Variants in CEP162 observed in about 807,000 individuals in gnomAD.
CEP162 encodes centrosomal protein of 162 kDa.
In CEP162, 141 loss-of-function variants were observed where a neutral mutation model predicts 169.2. That is an observed-to-expected ratio of 0.83 (90% confidence interval 0.73 to 0.96). The LOEUF (loss-of-function observed/expected upper bound fraction) is 0.96. CEP162 is among the 40% of genes least tolerant of loss of function. CEP162 has a pLI of 0.00. For missense variants in CEP162, 1,600 were observed against 1,587.2 expected, an observed-to-expected ratio of 1.01 and a Z score of -0.14; for synonymous variants, 540 against 526.4, an observed-to-expected ratio of 1.03 and a Z score of -0.35.
In CEP162 at chr6:84,124,667, A is replaced by G. The variant is rs1192395957; in HGVS notation, c.*403T>C. 2 of 241,518 alleles carry G rather than the reference A, an allele frequency of 8.3e-6. No individual in the cohort carries two copies. The highest frequency in any genetic ancestry group is 1.6e-5 in the Non-Finnish European group (2 of 126,494). The allele number at this position is 241,518 out of a possible 1,614,324, so 15.0% of individuals were successfully genotyped here. A position where few individuals can be genotyped will look rare whatever the true frequency, so the allele number is the denominator to read the frequency against. On this transcript the variant is annotated 3_prime_UTR_variant, in exon 27 of 27. Coordinates refer to ENST00000403245, the MANE Select transcript of CEP162 (RefSeq NM_014895.4). ...GGATGATGGGTACACTAGAAGCCCA[A>G]TTCCCACCATTATTCAATACACCCA...
intron 11 of CEP162, among the ~76,000 whole-genome samples, chr6:84,187,950 T>C (rs1417745520): frequency 5.3e-5 from 8 of 152,254 alleles, no homozygotes; most frequent in Admixed American, 5.2e-4. Context: ...ACTCTGGAAA[T>C]GGGTTCTCTC....
At chr6:84,215,249 T>C in intron 5 of CEP162, 33 bp downstream of exon 5, 2 of 1,240,244 alleles carry the variant, frequency 1.6e-6, no homozygotes, top group South Asian at 2.0e-5. Flanking sequence ...ATAGAAATCA[T>C]AAAAATCATT....
chr6:84,130,131 G>C (rs2099510688), intron 25 of CEP162, among the ~76,000 whole-genome samples: 3 of 152,098 alleles, frequency 2.0e-5, no homozygotes, highest in Non-Finnish European at 2.9e-5. Context: ...TATGGTTTTT[G>C]TCCTTGGTTT....
At chr6:84,191,472 CATTG>C (rs1450437923) in intron 11 of CEP162, among the ~76,000 whole-genome samples, 3 of 152,204 alleles carry the variant, frequency 2.0e-5, no homozygotes, top group Non-Finnish European at 2.9e-5. Context: ...AAAGTTGTAA[CATTG>C]ATTGCTGTGT....
intron 26 of CEP162, among the ~76,000 whole-genome samples, 200 bp from the exon 27 acceptor site, chr6:84,125,476 C>T (rs1374076788): frequency 6.6e-6 from 1 of 152,066 alleles, no homozygotes; most frequent in African/African-American, 2.4e-5. Context: ...TTGTGTCCCC[C>T]TCAAATTCAT....
chr6:84,166,742 A>C (rs2099527988), intron 18 of CEP162, among the ~76,000 whole-genome samples: 2 of 152,158 alleles, frequency 1.3e-5, no homozygotes, highest in Admixed American at 6.6e-5. Context: ...CTTTATAACC[A>C]ACTAACATTT....
At chr6:84,208,097 T>G (rs1346255766) in intron 6 of CEP162, among the ~76,000 whole-genome samples, 1 of 150,730 alleles carries the variant, frequency 6.6e-6, no homozygotes, top group Non-Finnish European at 1.5e-5. Flanking sequence ...TCTCTGACCC[T>G]TCCCTTAGGT....
intron 15 of CEP162, 53 bp downstream of exon 15, chr6:84,174,674 C>A: frequency 1.5e-6 from 1 of 688,940 alleles, no homozygotes; most frequent in South Asian, 2.3e-5. Flanking sequence ...GGGAATTCAG[C>A]TTTTTTTTTT....
chr6:84,171,601 CTTACT>C lies in CEP162; in HGVS notation c.2279_2279+4del. The C allele has an allele frequency of 7.8e-7, 1 of 1,276,332 alleles. No individual in the cohort carries two copies. Among genetic ancestry groups the C allele is most frequent in the South Asian group, 1.6e-5 (1 of 62,792 alleles). The allele number at this position is 1,276,332 out of a possible 1,614,324, so 79.1% of individuals were successfully genotyped here. On this transcript the variant is annotated splice_donor_variant and splice_donor_region_variant and coding_sequence_variant and intron_variant, in exon 17 of 27. Coordinates refer to ENST00000403245, the MANE Select transcript of CEP162 (RefSeq NM_014895.4). LOFTEE classifies it high-confidence loss of function. Reference sequence around the variant, plus strand: ...TTTGATTTTAAGAAGTTCAAAAGGACTTACTTTAAGGAAGCTACCTCACTGAATAA... The same window carrying C: ...TTTGATTTTAAGAAGTTCAAAAGGACTTAAGGAAGCTACCTCACTGAATAA...
At chr6:84,149,823 A>G (rs1363841107) in intron 23 of CEP162, 120 bp from the exon 24 acceptor site, 13 of 737,130 alleles carry the variant, frequency 1.8e-5, no homozygotes, top group Non-Finnish European at 1.9e-5. Flanking sequence ...GGGCACCAAT[A>G]TTAACTGCAC....
chr6:84,132,132 T>A (rs1389491603), intron 25 of CEP162, among the ~76,000 whole-genome samples: 2 of 152,256 alleles, frequency 1.3e-5, no homozygotes, highest in African/African-American at 2.4e-5. Context: ...AAATTCTGGG[T>A]TGAAAATTCT....
intron 25 of CEP162, among the ~76,000 whole-genome samples, chr6:84,144,736 TGAA>T (rs2099518107): frequency 1.3e-5 from 2 of 152,138 alleles, no homozygotes; most frequent in Middle Eastern, 3.2e-3. Context: ...AGTAAACTGA[TGAA>T]GAATTCTTTT....
chr6:84,177,773 G>A (rs1297771273), intron 13 of CEP162, among the ~76,000 whole-genome samples: 3 of 152,150 alleles, frequency 2.0e-5, no homozygotes, highest in Non-Finnish European at 2.9e-5. Context: ...TTTACCTCAA[G>A]TGACCTGCCC....
At chr6:84,205,332 C>A (rs1180151024) in intron 6 of CEP162, among the ~76,000 whole-genome samples, 2 of 152,096 alleles carry the variant, frequency 1.3e-5, no homozygotes, top group African/African-American at 4.8e-5. Flanking sequence ...AAAATACTGG[C>A]AAACCGAATC....
chr6:84,165,548 T>C (rs1468145785), intron 18 of CEP162, among the ~76,000 whole-genome samples: 2 of 152,148 alleles, frequency 1.3e-5, no homozygotes, highest in Non-Finnish European at 2.9e-5. Flanking sequence ...CACTGATTCA[T>C]GTATAGGTAA....
chr6:84,163,324 T>C, intron 18 of CEP162, 54 bp from the exon 19 acceptor site: 1 of 1,317,218 alleles, frequency 7.6e-7, no homozygotes, highest in Non-Finnish European at 1.1e-6. Context: ...CAATAAATTG[T>C]GGTATAGTCT....
At chr6:84,150,994 G>A (rs968834411) in intron 23 of CEP162, among the ~76,000 whole-genome samples, 1 of 152,108 alleles carries the variant, frequency 6.6e-6, no homozygotes, top group African/African-American at 2.4e-5. Flanking sequence ...GTACATATTA[G>A]TAAGTTATGT....
chr6:84,223,382 C>T (rs1193017107), intron 2 of CEP162, among the ~76,000 whole-genome samples: 1 of 150,016 alleles, frequency 6.7e-6, no homozygotes, highest in Non-Finnish European at 1.5e-5. Context: ...GCCTGTAATC[C>T]CAGCTACTCA....
Position 84,185,881 on chromosome 6 carries a change from T to G in CEP162, c.1402-433A>C, listed in dbSNP as rs138059450. On this transcript the variant is annotated intron_variant, in intron 12 of 26. Coordinates refer to ENST00000403245, the MANE Select transcript of CEP162 (RefSeq NM_014895.4). ...AATTATAAAATACAAGTAGAATGTC[T>G]GAATCATGGGAACTATAAAGCAGAA... Among the ~76,000 whole-genome samples, 555 of 152,226 alleles carry G rather than the reference T, an allele frequency of 3.6e-3. 4 individuals carry two copies. Among genetic ancestry groups the G allele is most frequent in the African/African-American group, 0.012 (511 of 41,562 alleles).
Sources: gnomAD v4.1 joint callset for allele counts (sites outside exome capture counted in the v4.1 genomes callset) on GRCh38, gnomAD v4.1.1 for gene constraint, MANE v1.5 for transcripts, NCBI Gene and HGNC (gene_info 2026-07-23, HGNC 2026-07-21) for gene names.